Variants in NTM observed in about 807,000 individuals in gnomAD.
NTM encodes the protein IgLON family member 2.
In NTM, 13 loss-of-function variants were observed where a neutral mutation model predicts 42.1. The ratio of observed to expected loss-of-function variants is 0.31; its 90% CI spans 0.20 to 0.49. NTM has a LOEUF of 0.49. NTM is among the 20% of genes least tolerant of loss of function. NTM has a pLI of 0.99. For missense variants in NTM, 373 were observed against 452.8 expected (o/e 0.82, Z 1.60); for synonymous variants, 187 against 179.2 (o/e 1.04, Z -0.35).
intron 1 of NTM, among the ~76,000 whole-genome samples, chr11:131,516,669 G>T (rs905064874): frequency 6.6e-6 from 1 of 152,084 alleles, no homozygotes; most frequent in African/African-American, 2.4e-5. Flanking sequence ...ACCACAATTG[G>T]CCCCCTGACC....
At chr11:131,591,391 G>A (rs570892622) in intron 1 of NTM, among the ~76,000 whole-genome samples, 1 of 152,192 alleles carries the variant, frequency 6.6e-6, no homozygotes, top group Non-Finnish European at 1.5e-5. Context: ...GGCCTGCTTG[G>A]TCTATCTGCT....
At chr11:131,861,380 C>T (rs1424727374) in intron 1 of NTM, among the ~76,000 whole-genome samples, 1 of 152,194 alleles carries the variant, frequency 6.6e-6, no homozygotes, top group Non-Finnish European at 1.5e-5. Flanking sequence ...GCCCCTCCCC[C>T]TCCCTGGGAT....
intron 1 of NTM, among the ~76,000 whole-genome samples, chr11:131,733,013 T>C (rs1045360267): frequency 2.6e-5 from 4 of 152,216 alleles, no homozygotes; most frequent in Non-Finnish European, 5.9e-5. Context: ...ATCATATGGA[T>C]GTGCCATAAT....
chr11:132,228,418 C>G (rs2086766441), intron 4 of NTM, among the ~76,000 whole-genome samples: 1 of 152,184 alleles, frequency 6.6e-6, no homozygotes, highest in African/African-American at 2.4e-5. Flanking sequence ...CTAATCTTGG[C>G]TTCCAGGTGA....
intron 4 of NTM, among the ~76,000 whole-genome samples, chr11:132,222,920 C>A (rs187137575): frequency 3.9e-5 from 6 of 152,312 alleles, no homozygotes; most frequent in Non-Finnish European, 8.8e-5. Flanking sequence ...TAATTCCTTT[C>A]ATCACTGCCT....
chr11:131,872,921 C>T (rs957579917), intron 1 of NTM, among the ~76,000 whole-genome samples: 1 of 152,192 alleles, frequency 6.6e-6, no homozygotes, highest in South Asian at 2.1e-4. Flanking sequence ...AATCACTACA[C>T]TGTCTTCCAC....
intron 1 of NTM, among the ~76,000 whole-genome samples, chr11:131,554,537 C>T (rs1396265530): frequency 3.6e-5 from 5 of 139,438 alleles, no homozygotes; most frequent in Admixed American, 1.4e-4. Context: ...CACACACACA[C>T]ACATCTACAA....
chr11:131,527,763 A>G (rs2050706614), intron 1 of NTM, among the ~76,000 whole-genome samples: 1 of 152,226 alleles, frequency 6.6e-6, no homozygotes, highest in South Asian at 2.1e-4. Context: ...TGTTCTTAGT[A>G]TATTAATAGA....
intron 2 of NTM, among the ~76,000 whole-genome samples, chr11:131,988,797 G>A (rs1253246053): frequency 6.6e-6 from 1 of 152,156 alleles, no homozygotes; most frequent in Non-Finnish European, 1.5e-5. Context: ...AAAGACCTCT[G>A]TCTAGAAGGC....
At chr11:131,720,470 G>A (rs1042424936) in intron 1 of NTM, among the ~76,000 whole-genome samples, 1 of 152,146 alleles carries the variant, frequency 6.6e-6, no homozygotes. Context: ...GTTCAACCTG[G>A]AAAAGTCATC....
intron 1 of NTM, among the ~76,000 whole-genome samples, chr11:131,519,586 G>T (rs1017825175): frequency 1.4e-5 from 2 of 147,404 alleles, no homozygotes; most frequent in African/African-American, 5.0e-5. Context: ...TTTTATTTCT[G>T]GGTTAGCACC....
chr11:131,905,466 G>C (rs983299835), intron 1 of NTM, among the ~76,000 whole-genome samples: 1 of 152,074 alleles, frequency 6.6e-6, no homozygotes, highest in African/African-American at 2.4e-5. Context: ...TTCCGTCTTG[G>C]GTCGTGTAGC....
intron 1 of NTM, among the ~76,000 whole-genome samples, chr11:131,827,496 T>A (rs11222808): frequency 0.18 from 27,117 of 152,106 alleles, 3,372 homozygotes; most frequent in African/African-American, 0.35. Context: ...TCAGAATCCA[T>A]GTGTTTCAGT....
At chr11:132,234,700 T>C (rs1034734516) in intron 4 of NTM, among the ~76,000 whole-genome samples, 4 of 152,226 alleles carry the variant, frequency 2.6e-5, no homozygotes, top group Admixed American at 1.3e-4. Context: ...CACTTTGTCA[T>C]AGAGATTTCT....
At chr11:131,856,469 TA>T (rs2046111413) in intron 1 of NTM, among the ~76,000 whole-genome samples, 1 of 152,182 alleles carries the variant, frequency 6.6e-6, no homozygotes, top group Non-Finnish European at 1.5e-5. Context: ...CTCCTTCAAA[TA>T]AAGGCATATA....
chr11:132,239,628 G>GGGAATGTCT (rs2089793974), intron 4 of NTM, among the ~76,000 whole-genome samples: 1 of 152,100 alleles, frequency 6.6e-6, no homozygotes, highest in Non-Finnish European at 1.5e-5. Context: ...GGTATAAATT[G>GGGAATGTCT]GGAATGTCTT....
At chr11:131,545,317 G>T (rs2053782723) in intron 1 of NTM, among the ~76,000 whole-genome samples, 1 of 151,778 alleles carries the variant, frequency 6.6e-6, no homozygotes, top group Admixed American at 6.6e-5. Flanking sequence ...TCTTGAGTCT[G>T]TCTCCTTTTC....
intron 1 of NTM, among the ~76,000 whole-genome samples, chr11:131,646,332 C>A (rs2065768692): frequency 6.6e-6 from 1 of 152,148 alleles, no homozygotes; most frequent in East Asian, 1.9e-4. Flanking sequence ...TTCTCTATTT[C>A]TATTTTTGAT....
chr11:131,877,318 G>A (rs538621947), intron 1 of NTM, among the ~76,000 whole-genome samples: 21 of 152,270 alleles, frequency 1.4e-4, no homozygotes, highest in South Asian at 6.2e-4. Flanking sequence ...GTCTCCCCAC[G>A]TTGGCTTTTC....
Sources: allele counts gnomAD v4.1 joint callset (sites outside exome capture counted in the v4.1 genomes callset), GRCh38; gene constraint gnomAD v4.1.1; transcripts MANE v1.5; gene names NCBI Gene and HGNC (gene_info 2026-07-23, HGNC 2026-07-21).